B4GALT5: variants seen among roughly 807,000 people sequenced by gnomAD.
B4GALT5 encodes the protein UDP-Gal:beta-GlcNAc beta-1,4-galactosyltransferase 5.
B4GALT5 carries 11 observed loss-of-function variants against 45.0 expected under a neutral mutation model. The observed-to-expected ratio is 0.24, with a 90% CI of 0.15 to 0.40. The LOEUF (loss-of-function observed/expected upper bound fraction) is 0.40, where lower values mean the gene tolerates loss of function less well. Ranked by LOEUF, B4GALT5 falls within the 10% of genes least tolerant of loss-of-function variation. The pLI, the probability that B4GALT5 is intolerant of heterozygous loss-of-function variation, is 1.00. For missense variants in B4GALT5, 337 were observed against 500.2 expected (o/e 0.67, Z 3.11); for synonymous variants, 185 against 182.9 (o/e 1.01, Z -0.09).
chr20:49,668,205 C>A (rs910539646), intron 1 of B4GALT5, among the ~76,000 whole-genome samples: 1 of 151,892 alleles, frequency 6.6e-6, no homozygotes, highest in African/African-American at 2.4e-5. Context: ...TCATTTTTCA[C>A]CCTAATTACT....
At chr20:49,700,438 G>A (rs1311898371) in intron 1 of B4GALT5, among the ~76,000 whole-genome samples, 1 of 152,158 alleles carries the variant, frequency 6.6e-6, no homozygotes, top group Non-Finnish European at 1.5e-5. Flanking sequence ...TGGGGCTACA[G>A]GCATGTGCCA....
chr20:49,661,466 C>A (rs534488096), intron 1 of B4GALT5, among the ~76,000 whole-genome samples: 1 of 152,172 alleles, frequency 6.6e-6, no homozygotes, highest in South Asian at 2.1e-4. Context: ...AACTCCTGAC[C>A]TCAGGTGATC....
At chr20:49,686,508 T>A (rs537267292) in intron 1 of B4GALT5, among the ~76,000 whole-genome samples, 1 of 151,852 alleles carries the variant, frequency 6.6e-6, no homozygotes, top group East Asian at 1.9e-4. Context: ...AATTCACAGA[T>A]GGCAAGCCAA....
intron 7 of B4GALT5, among the ~76,000 whole-genome samples, chr20:49,639,358 T>TGGTGTGTGGTGTGTGTGTGTGTG (rs1357823556): frequency 6.7e-6 from 1 of 149,862 alleles, no homozygotes; most frequent in Non-Finnish European, 1.5e-5. Context: ...TGGATGTGTG[T>TGGTGTGTGGTGTGTGTGTGTGTG]GGTGTGTGTG....
chr20:49,663,376 G>T (rs1315282991), intron 1 of B4GALT5, among the ~76,000 whole-genome samples: 1 of 151,356 alleles, frequency 6.6e-6, no homozygotes, highest in Non-Finnish European at 1.5e-5. Flanking sequence ...CAAAACCCAT[G>T]AATTGACTTC....
chr20:49,695,056 A>C (rs1600554002), intron 1 of B4GALT5, among the ~76,000 whole-genome samples: 1 of 151,208 alleles, frequency 6.6e-6, no homozygotes, highest in Non-Finnish European at 1.5e-5. Context: ...GTATTCCTTA[A>C]CTGCTTAACA....
At chr20:49,668,083 CAA>C (rs1448458984) in intron 1 of B4GALT5, among the ~76,000 whole-genome samples, 1 of 151,966 alleles carries the variant, frequency 6.6e-6, no homozygotes, top group Non-Finnish European at 1.5e-5. Context: ...CACACATTAA[CAA>C]AGTAAATAAT....
At position 49,640,645 on chromosome 20, in the gene B4GALT5, A is replaced by G. The variant is rs368967569; in HGVS notation, c.627T>C (p.Asn209=). The change falls in exon 6 of 9, where the codon AAT becomes AAC. Residue 209 remains asparagine, a synonymous_variant. Coordinates refer to ENST00000371711, the MANE Select transcript of B4GALT5 (RefSeq NM_004776.4). The part of the protein sequence containing the change: ...VVEQVGTQPF[N]RAMLFNVGFQ... ...AGCCAACGTTGAAAAGCATGGCTCG[A>G]TTAAAGGGTTGGGTACCAACCTAAA... is the stretch of plus-strand genomic sequence containing the variant. 15 of 1,611,610 alleles carry G rather than the reference A, an allele frequency of 9.3e-6. No homozygotes were observed. The highest frequency in any genetic ancestry group is 1.3e-5 in the Non-Finnish European group (15 of 1,179,302).
In B4GALT5 at chr20:49,633,961, G is replaced by A. The variant is rs1402917024; in HGVS notation, c.*2351C>T. On this transcript the variant is annotated 3_prime_UTR_variant, in exon 9 of 9. Transcript: ENST00000371711. ...GATGGGGGTTGCAGGGTGGAGGGGG[G>A]TCTTTATTGCTATATGCACCATAAA... 11 of 152,372 alleles carry A rather than the reference G, an allele frequency of 7.2e-5. No homozygotes were observed. Among genetic ancestry groups the A allele is most frequent in the Admixed American group, 7.2e-4 (11 of 15,248 alleles). The allele number at this position is 152,372 out of a possible 1,614,324, so 9.4% of individuals were successfully genotyped here. A position where few individuals can be genotyped will look rare whatever the true frequency, so the allele number is the denominator to read the frequency against.
chr20:49,709,518 T>C (rs1164900373), intron 1 of B4GALT5, among the ~76,000 whole-genome samples: 1 of 152,194 alleles, frequency 6.6e-6, no homozygotes, highest in Non-Finnish European at 1.5e-5. Flanking sequence ...ACGCCTGTAA[T>C]CCTAGCACTT....
chr20:49,693,513 T>G (rs1359552391), intron 1 of B4GALT5, among the ~76,000 whole-genome samples: 1 of 152,188 alleles, frequency 6.6e-6, no homozygotes, highest in Non-Finnish European at 1.5e-5. Flanking sequence ...CTCCTTGTCC[T>G]AAACAACACA....
intron 1 of B4GALT5, among the ~76,000 whole-genome samples, chr20:49,673,612 G>C (rs1019092658): frequency 2.0e-5 from 3 of 152,122 alleles, no homozygotes; most frequent in Non-Finnish European, 4.4e-5. Flanking sequence ...GATGAGGACT[G>C]GATATTAGAA....
At chr20:49,693,847 A>C (rs2085826525) in intron 1 of B4GALT5, among the ~76,000 whole-genome samples, 1 of 152,198 alleles carries the variant, frequency 6.6e-6, no homozygotes, top group South Asian at 2.1e-4. Context: ...TCTTTGCATA[A>C]GGGGTAGCCT....
intron 1 of B4GALT5, among the ~76,000 whole-genome samples, chr20:49,657,884 GC>G (rs1395102341): frequency 2.8e-4 from 43 of 152,326 alleles, no homozygotes; most frequent in African/African-American, 1.0e-3. Flanking sequence ...TCAAGCTAGT[GC>G]TTTTGGTGCT....
At chr20:49,689,836 C>T (rs139598029) in intron 1 of B4GALT5, among the ~76,000 whole-genome samples, 54 of 152,232 alleles carry the variant, frequency 3.5e-4, no homozygotes, top group South Asian at 1.5e-3. Context: ...TTCCCAAGCC[C>T]CTTTCCAGTC....
intron 1 of B4GALT5, among the ~76,000 whole-genome samples, chr20:49,683,584 C>T (rs6067181): frequency 0.49 from 74,109 of 150,922 alleles, 18,661 homozygotes; most frequent in South Asian, 0.65. Context: ...GTAGAGATGT[C>T]GGTTCACCAT....
chr20:49,683,892 G>C, intron 1 of B4GALT5, among the ~76,000 whole-genome samples: 1 of 151,988 alleles, frequency 6.6e-6, no homozygotes, highest in East Asian at 1.9e-4. Flanking sequence ...TGTAATCCCA[G>C]CACTTTGGGA....
At chr20:49,655,297 G>A (rs544306376) in intron 2 of B4GALT5, among the ~76,000 whole-genome samples, 5 of 152,008 alleles carry the variant, frequency 3.3e-5, no homozygotes, top group Non-Finnish European at 5.9e-5. Context: ...CAGGTATGGT[G>A]GCGCACACCT....
intron 3 of B4GALT5, 70 bp from the exon 4 acceptor site, chr20:49,643,720 G>C: frequency 1.9e-6 from 3 of 1,541,694 alleles, no homozygotes; most frequent in South Asian, 1.2e-5. Context: ...TGGGGTTTTA[G>C]TCTCTGGAGA....
Sources: allele counts gnomAD v4.1 joint callset (sites outside exome capture counted in the v4.1 genomes callset), GRCh38; gene constraint gnomAD v4.1.1; transcripts MANE v1.5; gene names NCBI Gene and HGNC (gene_info 2026-07-23, HGNC 2026-07-21).